The following METTL16 variants were observed in gnomAD, a reference collection of about 807,000 sequenced individuals.
METTL16 encodes the protein RNA N(6)-adenosine-methyltransferase METTL16.
Under a neutral mutation model 57.9 loss-of-function variants are expected in METTL16, and 19 were observed. That is an observed-to-expected ratio of 0.33 (90% CI 0.23 to 0.48). METTL16 has a LOEUF of 0.48. METTL16 is among the 20% of genes least tolerant of loss of function. The pLI is 0.99. For synonymous variants in METTL16, 246 were observed against 255.6 expected (o/e 0.96, Z 0.36); for missense variants, 434 against 691.5 (o/e 0.63, Z 4.18).
At chr17:2,481,228 C>CA (rs74363068) in intron 2 of METTL16, among the ~76,000 whole-genome samples, 5,693 of 113,750 alleles carry the variant, frequency 0.05, 344 homozygotes, top group African/African-American at 0.15. Flanking sequence ...GAAACAATGA[C>CA]AAAAAAAAAA....
intron 1 of METTL16, among the ~76,000 whole-genome samples, chr17:2,510,832 T>G (rs970527771): frequency 5.9e-5 from 9 of 151,960 alleles, no homozygotes; most frequent in Non-Finnish European, 1.0e-4. Flanking sequence ...CTGGTTAATT[T>G]ACTTCATTTT....
At chr17:2,437,746 C>T (rs1429666440) in intron 8 of METTL16, among the ~76,000 whole-genome samples, 3 of 152,140 alleles carry the variant, frequency 2.0e-5, no homozygotes, top group Non-Finnish European at 4.4e-5. Flanking sequence ...GACACAGTTT[C>T]ACCATGTTGG....
intron 7 of METTL16, among the ~76,000 whole-genome samples, chr17:2,440,012 C>G (rs2066935792): frequency 6.6e-6 from 1 of 152,154 alleles, no homozygotes; most frequent in African/African-American, 2.4e-5. Flanking sequence ...TACAGCAAGA[C>G]CCTATCTTTA....
At chr17:2,484,482 T>C (rs1311781973) in intron 2 of METTL16, among the ~76,000 whole-genome samples, 1 of 151,962 alleles carries the variant, frequency 6.6e-6, no homozygotes, top group African/African-American at 2.4e-5. Context: ...TCAAAGGTTA[T>C]GACCACTACT....
chr17:2,423,261 G>GGTGTGTGT (rs58486923), intron 8 of METTL16, among the ~76,000 whole-genome samples: 6,127 of 143,588 alleles, frequency 0.043, 166 homozygotes, highest in East Asian at 0.093. Flanking sequence ...AAAAACAAAG[G>GGTGTGTGT]GTGTGTGTGT....
At chr17:2,487,656 T>C (rs1703102424) in intron 2 of METTL16, among the ~76,000 whole-genome samples, 1 of 152,080 alleles carries the variant, frequency 6.6e-6, no homozygotes, top group East Asian at 1.9e-4. Context: ...TGGAGACCTT[T>C]TAAAGAGCTG....
At chr17:2,504,735 TTTTTAA>T (rs1401231005) in intron 1 of METTL16, among the ~76,000 whole-genome samples, 2 of 152,218 alleles carry the variant, frequency 1.3e-5, no homozygotes, top group Non-Finnish European at 1.5e-5. Flanking sequence ...GGCTAATTTA[TTTTTAA>T]TTTTATTTTT....
intron 2 of METTL16, among the ~76,000 whole-genome samples, chr17:2,490,683 G>GT (rs767284264): frequency 6.6e-6 from 1 of 152,068 alleles, no homozygotes; most frequent in Non-Finnish European, 1.5e-5. Flanking sequence ...TCTGCTCTCT[G>GT]TAACACAGTG....
At chr17:2,436,505 C>T (rs1187307925) in intron 8 of METTL16, among the ~76,000 whole-genome samples, 2 of 152,126 alleles carry the variant, frequency 1.3e-5, no homozygotes. Context: ...CTCTACCCTA[C>T]AAGAGCAGGA....
Position 2,420,279 on chromosome 17 carries a change from C to T in METTL16, c.1380G>A (p.Pro460=), listed in dbSNP as rs535260006. 1.2e-5 allele frequency: 20 copies of T among 1,613,706 alleles called. No homozygotes were observed. Among genetic ancestry groups the T allele is most frequent in the Admixed American group, 6.7e-5 (4 of 60,024 alleles). Residue 460 remains proline (P), a synonymous_variant, in exon 10 of 10, where the codon CCG becomes CCA. Coordinates refer to ENST00000263092, the MANE Select transcript of METTL16 (RefSeq NM_024086.4). The surrounding 1 kb of genome is among the most constrained non-coding windows in gnomAD (Gnocchi z 5.4). ...SQESLSQEEN[P]EPTEDERSEE... ...CACTCCTTTCATCCTCCGTGGGTTC[C>T]GGGTTTTCCTCCTGGGACAGGGACT... is the stretch of plus-strand genomic sequence containing the variant.
chr17:2,483,500 G>A (rs888496300), intron 2 of METTL16, among the ~76,000 whole-genome samples: 1 of 152,034 alleles, frequency 6.6e-6, no homozygotes, highest in African/African-American at 2.4e-5. Flanking sequence ...CTATTTAAAG[G>A]GGTATTAAGT....
At chr17:2,471,901 G>A in intron 4 of METTL16, among the ~76,000 whole-genome samples, 1 of 152,028 alleles carries the variant, frequency 6.6e-6, no homozygotes, top group East Asian at 1.9e-4. Context: ...ATCACTTGAG[G>A]ACAGGAGTTT....
intron 2 of METTL16, among the ~76,000 whole-genome samples, chr17:2,496,216 CCT>C (rs2067443987): frequency 6.6e-6 from 1 of 151,588 alleles, no homozygotes. Flanking sequence ...ATTCATGGAT[CCT>C]CTCAAAGTCC....
At chr17:2,423,773 G>A (rs1567879690) in intron 8 of METTL16, among the ~76,000 whole-genome samples, 1 of 152,178 alleles carries the variant, frequency 6.6e-6, no homozygotes, top group Non-Finnish European at 1.5e-5. Flanking sequence ...GGATATTGCT[G>A]TTTCTCATTA....
chr17:2,422,421 C>T (rs185955599), intron 8 of METTL16, among the ~76,000 whole-genome samples: 7 of 152,012 alleles, frequency 4.6e-5, no homozygotes, highest in Non-Finnish European at 1.0e-4. Flanking sequence ...GAATCTCACT[C>T]TGTCACTGGA....
chr17:2,508,607 C>T (rs896556741), intron 1 of METTL16, among the ~76,000 whole-genome samples: 11 of 152,166 alleles, frequency 7.2e-5, no homozygotes, highest in Non-Finnish European at 5.9e-5. Flanking sequence ...AACACCACCT[C>T]TCTGGCCCAG....
In METTL16 at chr17:2,428,587, AT is replaced by A. The variant is rs1567881610; in HGVS notation, c.889-7684del. Among the ~76,000 whole-genome samples, 87 of 48,332 alleles carry A rather than the reference AT, an allele frequency of 1.8e-3. 3 individuals carry two copies. Among genetic ancestry groups the A allele is most frequent in the African/African-American group, 7.9e-3 (86 of 10,840 alleles). The allele number at this position is 48,332 out of a possible 152,430, so 31.7% of individuals were successfully genotyped here. A position where few individuals can be genotyped will look rare whatever the true frequency, so the allele number is the denominator to read the frequency against. On this transcript the variant is annotated intron_variant, in intron 8 of 9. Coordinates refer to ENST00000263092, the MANE Select transcript of METTL16 (RefSeq NM_024086.4). The stretch of plus-strand genomic sequence containing the variant: ...AAAATATATATATATATATATATAT[AT>A]ATATATATATATATAAATTGTAATA...
intron 6 of METTL16, among the ~76,000 whole-genome samples, chr17:2,462,487 C>T (rs554643137): frequency 2.0e-5 from 3 of 152,194 alleles, no homozygotes; most frequent in Non-Finnish European, 4.4e-5. Flanking sequence ...CCGCCCAAAT[C>T]TCATGTCAAA....
Position 2,464,225 on chromosome 17 carries a change from T to C in METTL16, c.711A>G (p.Gln237=), listed in dbSNP as rs762000820. The change falls in exon 6 of 10, where the codon CAA becomes CAG. Residue 237 remains glutamine, a synonymous_variant. Transcript: ENST00000263092. Reference sequence around the variant, plus strand: ...AGACTTACCTTAATCTTTTTTTAAGTTGTAGACTGTCATGGATGATCCTTT... The same window carrying C: ...AGACTTACCTTAATCTTTTTTTAAGCTGTAGACTGTCATGGATGATCCTTT... ...FVKRIIHDSL[Q]LKKRLRWYSC... The C allele has an allele frequency of 7.4e-6, 12 of 1,612,240 alleles. No homozygotes were observed. In the South Asian group the frequency reaches 1.2e-4, roughly 16 times the overall value.
Sources: allele counts gnomAD v4.1 joint callset (sites outside exome capture counted in the v4.1 genomes callset), GRCh38; gene constraint gnomAD v4.1.1; non-coding constraint Gnocchi (gnomAD v3.1); transcripts MANE v1.5; gene names NCBI Gene and HGNC (gene_info 2026-07-23, HGNC 2026-07-21).